Variants in RAB44 observed in about 807,000 individuals in gnomAD.
RAB44 encodes the protein ras-related protein Rab-44.
In RAB44, 67 loss-of-function variants were observed where a neutral mutation model predicts 93.3. The observed-to-expected ratio is 0.72, with a 90% CI of 0.59 to 0.88. RAB44 has a LOEUF of 0.88. Ranked by LOEUF, RAB44 falls within the 40% of genes least tolerant of loss-of-function variation. The probability of loss-of-function intolerance (pLI) is 0.00; values close to 1 mark genes in which losing one functional copy is unlikely to be tolerated. For synonymous variants in RAB44, 427 were observed against 520.3 expected (o/e 0.82, Z 2.44); for missense variants, 1,064 against 1,261.7 (o/e 0.84, Z 2.37).
chr6:36,721,658 C>G lies in RAB44; in HGVS notation c.1524C>G (p.Asn508Lys). 3 of 1,234,434 alleles carry G rather than the reference C, an allele frequency of 2.4e-6. No homozygotes were observed. The highest frequency in any genetic ancestry group is 3.0e-6 in the Non-Finnish European group (3 of 988,310). The allele number at this position is 1,234,434 out of a possible 1,614,324, so 76.5% of individuals were successfully genotyped here. A position where few individuals can be genotyped will look rare whatever the true frequency, so the allele number is the denominator to read the frequency against. The change falls in exon 9 of 14, where the codon AAC becomes AAG. Residue 508 changes from asparagine to lysine, a missense_variant. Coordinates refer to ENST00000612677, the MANE Select transcript of RAB44 (RefSeq NM_001257357.2). ...AGGATGGGCCCCCTCCCCCTGCGAA[C>G]TCTCCCCCTCCCCAGGCCCCAGCTG... The part of the protein sequence containing the change: ...PLEDGPPPPA[N>K]SPPPQAPAGS...
At position 36,718,473 on chromosome 6, in the gene RAB44, T is replaced by C; in HGVS notation, c.733-20T>C. The C allele has an allele frequency of 8.5e-7, 1 of 1,179,810 alleles. No homozygotes were observed. Among genetic ancestry groups the C allele is most frequent in the Non-Finnish European group, 1.1e-6 (1 of 939,166 alleles). 73.1% of individuals were successfully genotyped at this position (1,179,810 alleles called of 1,614,324 possible). The stretch of plus-strand genomic sequence containing the variant: ...CTCTTAGAGTCTGCAGGGTGAGGGC[T>C]GAATCTACCTACTCCACAGAGCGAC... On this transcript the variant is annotated intron_variant, in intron 6 of 13. Coordinates refer to ENST00000612677, the MANE Select transcript of RAB44 (RefSeq NM_001257357.2).
intron 2 of RAB44, among the ~76,000 whole-genome samples, chr6:36,705,901 ATT>A (rs202201461): frequency 1.0e-4 from 15 of 143,952 alleles, no homozygotes; most frequent in Middle Eastern, 3.6e-3. Flanking sequence ...TTTATGTTGG[ATT>A]TTTTTTTTTT....
rs563752890 is a variant in RAB44 at position 36,730,504 on chromosome 6, C to T, written c.2899-169C>T. Among the ~76,000 whole-genome samples, 30 of 152,208 alleles carry T rather than the reference C, an allele frequency of 2.0e-4. No homozygotes were observed. In the South Asian group the frequency reaches 2.3e-3, roughly 12 times the overall value. On this transcript the variant is annotated intron_variant, in intron 12 of 13. Transcript: ENST00000612677. ...GTGAAGGGACAGTGGGCAAAGGGCT[C>T]CAGGCAGGGACCGTGGCCCACGCTG...
intron 2 of RAB44, among the ~76,000 whole-genome samples, chr6:36,705,195 C>G (rs1762616449): frequency 6.6e-6 from 1 of 151,612 alleles, no homozygotes. Context: ...AGCAATTTGA[C>G]AGAAAACTAT....
intron 11 of RAB44, among the ~76,000 whole-genome samples, 192 bp from the exon 12 acceptor site, chr6:36,728,508 C>T (rs983594158): frequency 6.6e-6 from 1 of 151,648 alleles, no homozygotes; most frequent in Non-Finnish European, 1.5e-5. Flanking sequence ...TAAGGTTGGC[C>T]TTGGAAAATA....
intron 4 of RAB44, among the ~76,000 whole-genome samples, 169 bp downstream of exon 4, chr6:36,715,822 A>G (rs973686859): frequency 1.1e-4 from 16 of 152,038 alleles, no homozygotes; most frequent in Non-Finnish European, 4.4e-5. Context: ...TTGACTTCTG[A>G]CCTCTGTTTC....
rs1293717014 is a variant in RAB44, at chr6:36,717,615, C to T, written c.641+196C>T. ...TTGGTAATGGCAGGAGTGGGAAGGGCAGGGTGTGTCTTGGTACAGGACCCA... is the reference window on the plus strand; with the variant it reads ...TTGGTAATGGCAGGAGTGGGAAGGGTAGGGTGTGTCTTGGTACAGGACCCA... On this transcript the variant is annotated intron_variant, in intron 5 of 13. Coordinates refer to ENST00000612677, the MANE Select transcript of RAB44 (RefSeq NM_001257357.2). This position sits in a 1 kb window ranked among gnomAD's most constrained non-coding sequence, Gnocchi z 4.1. 6.6e-6 allele frequency among the ~76,000 whole-genome samples: 1 copy of T among 151,932 alleles called. No homozygotes were observed. The highest frequency in any genetic ancestry group is 2.4e-5 in the African/African-American group (1 of 41,242).
chr6:36,714,966 T>G lies in RAB44; in HGVS notation c.320-513T>G, dbSNP rs147116824. Reference sequence around the variant, plus strand: ...CTCTGGAGTCCACATGGTTTGCTCCTTCTTGTAATTCACATCTCAGTTCCA... The same window carrying G: ...CTCTGGAGTCCACATGGTTTGCTCCGTCTTGTAATTCACATCTCAGTTCCA... On this transcript the variant is annotated intron_variant, in intron 3 of 13. Transcript: ENST00000612677. Among the ~76,000 whole-genome samples the G allele has an allele frequency of 2.4e-3, 360 of 152,292 alleles. 2 individuals carry two copies. Among genetic ancestry groups the G allele is most frequent in the African/African-American group, 7.8e-3 (324 of 41,562 alleles).
Position 36,717,967 on chromosome 6 carries a change from C to T in RAB44, c.642-61C>T. The T allele has an allele frequency of 9.2e-7, 1 of 1,085,910 alleles. No individual in the cohort carries two copies. Among genetic ancestry groups the T allele is most frequent in the Non-Finnish European group, 1.2e-6 (1 of 854,794 alleles). The allele number at this position is 1,085,910 out of a possible 1,614,324, so 67.3% of individuals were successfully genotyped here. A position where few individuals can be genotyped will look rare whatever the true frequency, so the allele number is the denominator to read the frequency against. On this transcript the variant is annotated intron_variant, in intron 5 of 13. Transcript: ENST00000612677. This position sits in a 1 kb window ranked among gnomAD's most constrained non-coding sequence, Gnocchi z 4.1. ...CAAACCCAAGCCCAGACTGCCCCTG[C>T]CAGCAGCAGGCTCCCAGAGGTGCTG...
chr6:36,710,249 C>T (rs1361367692), intron 2 of RAB44, among the ~76,000 whole-genome samples: 2 of 152,154 alleles, frequency 1.3e-5, no homozygotes, highest in Non-Finnish European at 1.5e-5. Context: ...TACTTTCTGT[C>T]TCTATAACTT....
rs1582623591 is a variant in RAB44 at position 36,713,825 on chromosome 6, C to T, written c.208-3C>T. ...ACCTGCCCAACTTGCCCATTCCTTC[C>T]AGGTGGCCAAGTTCAGCTTCCTGGG... On this transcript the variant is annotated splice_region_variant and splice_polypyrimidine_tract_variant and intron_variant, in intron 2 of 13. Transcript: ENST00000612677. 1 of 1,530,158 alleles carries T rather than the reference C, an allele frequency of 6.5e-7. No homozygotes were observed. The allele number at this position is 1,530,158 out of a possible 1,614,324, so 94.8% of individuals were successfully genotyped here.
chr6:36,715,461 T>C lies in RAB44; in HGVS notation c.320-18T>C. 6.5e-7 allele frequency: 1 copy of C among 1,535,914 alleles called. No individual in the cohort carries two copies. Among genetic ancestry groups the C allele is most frequent in the Non-Finnish European group, 8.7e-7 (1 of 1,146,774 alleles). On this transcript the variant is annotated intron_variant, in intron 3 of 13. Coordinates refer to ENST00000612677, the MANE Select transcript of RAB44 (RefSeq NM_001257357.2). ...CCCAACACCACTGTGCTCCCCTCTG[T>C]CCACTTCTGTCCCACAGAAAACATC...
At chr6:36,703,615 C>T (rs12199194) in intron 1 of RAB44, among the ~76,000 whole-genome samples, 13,727 of 152,038 alleles carry the variant, frequency 0.09, 803 homozygotes, top group South Asian at 0.19. Flanking sequence ...GGCCATGTCA[C>T]GTGGGGCCCT....
Position 36,731,191 on chromosome 6 carries a change from AC to A in RAB44, c.2975+443del, listed in dbSNP as rs1420289569. Among the ~76,000 whole-genome samples, 12 of 145,854 alleles carry A rather than the reference AC, an allele frequency of 8.2e-5. No individual in the cohort carries two copies. The highest frequency in any genetic ancestry group is 2.0e-4 in the East Asian group (1 of 5,010). Reference sequence around the variant, plus strand: ...CACACACACTCACACTCTTACACACACTCACACTCACACACACACACTTGCC... The same window carrying A: ...CACACACACTCACACTCTTACACACATCACACTCACACACACACACTTGCC... On this transcript the variant is annotated intron_variant, in intron 13 of 13. Transcript: ENST00000612677. The surrounding 1 kb of genome is among the most constrained non-coding windows in gnomAD (Gnocchi z 4.0).
At chr6:36,713,588 T>C (rs1762838916) in intron 2 of RAB44, among the ~76,000 whole-genome samples, 1 of 152,124 alleles carries the variant, frequency 6.6e-6, no homozygotes, top group African/African-American at 2.4e-5. Context: ...TTAGGACACG[T>C]ACGTTTTGAT....
intron 7 of RAB44, among the ~76,000 whole-genome samples, chr6:36,719,403 GTCC>G (rs1246431732): frequency 6.6e-6 from 1 of 152,148 alleles, no homozygotes; most frequent in Non-Finnish European, 1.5e-5. Context: ...ATTTCGTCCT[GTCC>G]CCTGTGGATG....
chr6:36,702,977 C>T (rs2150323616), intron 1 of RAB44, among the ~76,000 whole-genome samples: 1 of 152,324 alleles, frequency 6.6e-6, no homozygotes, highest in Admixed American at 6.5e-5. Flanking sequence ...GTGATATCCA[C>T]AGCTGGGGCA....
intron 2 of RAB44, among the ~76,000 whole-genome samples, chr6:36,712,634 G>C (rs1762815701): frequency 6.6e-6 from 1 of 152,106 alleles, no homozygotes; most frequent in African/African-American, 2.4e-5. Flanking sequence ...CAAAGTGCTG[G>C]GATTACAGGT....
intron 1 of RAB44, among the ~76,000 whole-genome samples, chr6:36,703,918 T>A (rs576589863): frequency 6.6e-6 from 1 of 152,120 alleles, no homozygotes; most frequent in Non-Finnish European, 1.5e-5. Context: ...ATATATTCTC[T>A]AATGGTCGGA....
Sources: gnomAD v4.1 joint callset for allele counts (sites outside exome capture counted in the v4.1 genomes callset) on GRCh38, gnomAD v4.1.1 for gene constraint, Gnocchi (gnomAD v3.1) non-coding constraint, MANE v1.5 for transcripts, NCBI Gene and HGNC (gene_info 2026-07-23, HGNC 2026-07-21) for gene names.